The following UBE3D variants were observed in gnomAD, a reference collection of about 807,000 sequenced individuals.
UBE3D encodes the protein E3 ubiquitin-protein ligase E3D.
A neutral mutation model predicts 49.6 loss-of-function variants in UBE3D; 48 were observed. The ratio of observed to expected loss-of-function variants is 0.97; its 90% CI spans 0.77 to 1.23. The LOEUF (loss-of-function observed/expected upper bound fraction) is 1.23. UBE3D is among the 50% of genes most tolerant of loss of function. UBE3D has a pLI of 0.00. For missense variants in UBE3D, 452 were observed against 468.4 expected (o/e 0.96, Z 0.32); for synonymous variants, 189 against 174.2 (o/e 1.08, Z -0.67).
intron 9 of UBE3D, among the ~76,000 whole-genome samples, chr6:82,894,556 T>C (rs1771173144): frequency 6.6e-6 from 1 of 152,102 alleles, no homozygotes; most frequent in Non-Finnish European, 1.5e-5. Flanking sequence ...GTGCTGCACA[T>C]AAAACCTGCA....
chr6:82,967,931 T>A (rs1001951810), intron 8 of UBE3D, among the ~76,000 whole-genome samples: 1 of 152,184 alleles, frequency 6.6e-6, no homozygotes, highest in Non-Finnish European at 1.5e-5. Flanking sequence ...GCTACTCAAC[T>A]CCATACCTAG....
intron 9 of UBE3D, among the ~76,000 whole-genome samples, chr6:82,911,219 A>AC (rs1486475264): frequency 1.1e-4 from 17 of 149,776 alleles, no homozygotes; most frequent in African/African-American, 3.5e-4. Context: ...AAAAAAAAAA[A>AC]AAAACTCAGG....
intron 9 of UBE3D, among the ~76,000 whole-genome samples, chr6:82,898,512 T>A (rs1771498549): frequency 6.6e-6 from 1 of 152,060 alleles, no homozygotes; most frequent in Non-Finnish European, 1.5e-5. Flanking sequence ...AAAGGGTGAG[T>A]TCATGTCCTT....
chr6:83,058,066 G>A (rs1324507264), intron 1 of UBE3D, 44 bp from the exon 2 acceptor site: 2 of 1,595,014 alleles, frequency 1.3e-6, no homozygotes, highest in Admixed American at 1.7e-5. Context: ...TTCTCACAAT[G>A]AAAACCACAT....
intron 8 of UBE3D, among the ~76,000 whole-genome samples, chr6:82,969,723 T>C (rs1777211891): frequency 1.3e-5 from 2 of 152,272 alleles, no homozygotes; most frequent in East Asian, 1.9e-4. Context: ...TGGAAAGATA[T>C]ACTTAATATC....
intron 8 of UBE3D, among the ~76,000 whole-genome samples, chr6:82,992,216 CTTT>C (rs386407755): frequency 0.013 from 1,298 of 96,620 alleles, 2 homozygotes; most frequent in Non-Finnish European, 0.016. Context: ...ATCTGCATTC[CTTT>C]TTTTTTTTTT....
chr6:83,000,123 C>A (rs1245487651), intron 8 of UBE3D, among the ~76,000 whole-genome samples: 1 of 152,174 alleles, frequency 6.6e-6, no homozygotes, highest in Non-Finnish European at 1.5e-5. Flanking sequence ...TTCTTCACTG[C>A]TCTGTCTTCC....
At chr6:82,992,052 T>C (rs1440083887) in intron 8 of UBE3D, among the ~76,000 whole-genome samples, 1 of 151,956 alleles carries the variant, frequency 6.6e-6, no homozygotes, top group African/African-American at 2.4e-5. Context: ...CATTTTCTTT[T>C]GTTTTAATAG....
chr6:83,063,697 CA>C (rs1246442676), intron 1 of UBE3D, among the ~76,000 whole-genome samples: 3 of 152,086 alleles, frequency 2.0e-5, no homozygotes, highest in Admixed American at 6.5e-5. Flanking sequence ...ATTTTACACA[CA>C]CTAGAATGGT....
At chr6:82,946,387 T>C (rs1388284553) in intron 9 of UBE3D, among the ~76,000 whole-genome samples, 2 of 152,008 alleles carry the variant, frequency 1.3e-5, no homozygotes, top group Admixed American at 1.3e-4. Context: ...AAAAAAAATT[T>C]ACCCTAGAGT....
At chr6:83,012,085 G>A (rs886689860) in intron 8 of UBE3D, among the ~76,000 whole-genome samples, 13 of 152,174 alleles carry the variant, frequency 8.5e-5, no homozygotes, top group African/African-American at 3.1e-4. Context: ...TGAGTTTCAT[G>A]AGCATGAGCC....
the UBE3D span, among the ~76,000 whole-genome samples, chr6:82,886,822 G>A: frequency 3.5e-3 from 537 of 152,182 alleles, 5 homozygotes; most frequent in South Asian, 0.017. Flanking sequence ...CCACTATTTC[G>A]TTTCTTCTTG....
intron 9 of UBE3D, among the ~76,000 whole-genome samples, chr6:82,932,373 G>A (rs1324437637): frequency 2.6e-5 from 4 of 152,160 alleles, no homozygotes; most frequent in African/African-American, 7.2e-5. Context: ...CTATAAAATG[G>A]TGTATCTTTA....
intron 8 of UBE3D, among the ~76,000 whole-genome samples, chr6:82,965,583 CAAA>C (rs35257086): frequency 5.8e-5 from 5 of 86,346 alleles, no homozygotes; most frequent in Admixed American, 1.3e-4. Flanking sequence ...AACTCCATCT[CAAA>C]AAAAAAAAAA....
intron 9 of UBE3D, among the ~76,000 whole-genome samples, chr6:82,899,668 C>T (rs939804522): frequency 2.0e-5 from 3 of 152,174 alleles, no homozygotes; most frequent in African/African-American, 7.2e-5. Context: ...ACCACTATAG[C>T]AGTTACTGGA....
intron 8 of UBE3D, among the ~76,000 whole-genome samples, chr6:82,995,397 T>TCC (rs67868951): frequency 4.0e-4 from 1 of 2,508 alleles, no homozygotes; most frequent in African/African-American, 1.0e-3. Flanking sequence ...ATTTAAAACT[T>TCC]GTTTGTCAAA....
intron 9 of UBE3D, among the ~76,000 whole-genome samples, chr6:82,918,738 C>T (rs954400576): frequency 6.6e-6 from 1 of 151,742 alleles, no homozygotes; most frequent in African/African-American, 2.4e-5. Context: ...TGAGTTCCTT[C>T]CTCAGGCCTC....
At chr6:82,936,705 T>C (rs1020119463) in intron 9 of UBE3D, among the ~76,000 whole-genome samples, 3 of 152,188 alleles carry the variant, frequency 2.0e-5, no homozygotes, top group African/African-American at 7.2e-5. Context: ...AAGCCCCTAA[T>C]TGAAGCCCCT....
chr6:83,061,969 TAC>T (rs1314251700), intron 1 of UBE3D, among the ~76,000 whole-genome samples: 1 of 152,252 alleles, frequency 6.6e-6, no homozygotes, highest in Non-Finnish European at 1.5e-5. Flanking sequence ...CCTCACCAGT[TAC>T]AGTTTAATAC....
Sources: gnomAD v4.1 joint callset for allele counts (sites outside exome capture counted in the v4.1 genomes callset) on GRCh38, gnomAD v4.1.1 for gene constraint, MANE v1.5 for transcripts, NCBI Gene and HGNC (gene_info 2026-07-23, HGNC 2026-07-21) for gene names.